The following FOXP1 variants were observed in gnomAD, a reference collection of about 807,000 sequenced individuals.
FOXP1 encodes the protein forkhead box protein P1.
Under a neutral mutation model 98.2 loss-of-function variants are expected in FOXP1, and 15 were observed. That is an observed-to-expected ratio of 0.15 (90% CI 0.10 to 0.24). FOXP1 has a LOEUF of 0.24. Ranked by LOEUF, FOXP1 falls within the 10% of genes least tolerant of loss-of-function variation. The pLI, the probability that FOXP1 is intolerant of heterozygous loss-of-function variation, is 1.00. For synonymous variants in FOXP1, 371 were observed against 314.5 expected (o/e 1.18, Z -1.90); for missense variants, 633 against 848.5 (o/e 0.75, Z 3.15).
At chr3:70,969,618 A>C (rs984040361) in intron 19 of FOXP1, 3 of 152,172 alleles carry the variant, frequency 2.0e-5, no homozygotes, top group Non-Finnish European at 4.4e-5. Context: ...ATCATACTAA[A>C]GGTCTCAACT....
chr3:70,997,595 A>T (rs1028724608), intron 13 of FOXP1, among the ~76,000 whole-genome samples: 13 of 152,326 alleles, frequency 8.5e-5, no homozygotes, highest in African/African-American at 2.9e-4. Flanking sequence ...AATGGATATA[A>T]CCTGCTTTGG....
intron 13 of FOXP1, among the ~76,000 whole-genome samples, chr3:70,993,508 T>C (rs2040923349): frequency 6.6e-6 from 1 of 152,210 alleles, no homozygotes; most frequent in South Asian, 2.1e-4. Flanking sequence ...AACAAGTTAA[T>C]CAGACCTCCT....
intron 5 of FOXP1, among the ~76,000 whole-genome samples, chr3:71,280,141 AAAAAAAAAT>A (rs2071377962): frequency 7.5e-6 from 1 of 132,992 alleles, no homozygotes; most frequent in Non-Finnish European, 1.7e-5. Flanking sequence ...AAAAAAAAAA[AAAAAAAAAT>A]AGAATGCAAG....
intron 20 of FOXP1, 136 bp from the exon 21 acceptor site, chr3:70,959,527 A>G: frequency 1.3e-5 from 12 of 889,918 alleles, no homozygotes; most frequent in Non-Finnish European, 2.0e-5. Context: ...CATTAGCCAC[A>G]CGTGGCTCTT....
chr3:71,256,965 C>G (rs1057479591), intron 5 of FOXP1, among the ~76,000 whole-genome samples: 2 of 152,150 alleles, frequency 1.3e-5, no homozygotes, highest in African/African-American at 4.8e-5. Flanking sequence ...TCTGAGCTAC[C>G]AGCTATTCAT....
intron 3 of FOXP1, among the ~76,000 whole-genome samples, chr3:71,424,579 C>T (rs1363002302): frequency 1.3e-5 from 2 of 152,168 alleles, no homozygotes; most frequent in Admixed American, 6.5e-5. Flanking sequence ...TCATAAAATG[C>T]AGCTAACTTC....
At chr3:70,995,818 C>T (rs2041277954) in intron 13 of FOXP1, among the ~76,000 whole-genome samples, 1 of 152,160 alleles carries the variant, frequency 6.6e-6, no homozygotes, top group African/African-American at 2.4e-5. Context: ...ACCAACCCTT[C>T]CCTGTTAACA....
chr3:71,348,534 T>C (rs1201981193), intron 4 of FOXP1, among the ~76,000 whole-genome samples: 8 of 128,230 alleles, frequency 6.2e-5, no homozygotes, highest in East Asian at 2.3e-4. Context: ...TGTGTGTGTG[T>C]GTGTGTGTGT....
rs774790293 is a variant in FOXP1 at position 70,970,694 on chromosome 3, C to T, written c.1722+42G>A. 35 of 1,426,452 alleles carry T rather than the reference C, an allele frequency of 2.5e-5. No individual in the cohort carries two copies. The East Asian group carries it at 8.0e-4, about 32-fold the overall frequency. The allele number at this position is 1,426,452 out of a possible 1,614,324, so 88.4% of individuals were successfully genotyped here. ...TATATTTTGAAATGAGTAGGGGAGA[C>T]CTGTGCCTCTGCTGCATATTCGGGA... On this transcript the variant is annotated intron_variant, in intron 19 of 20. Transcript: ENST00000649528.
chr3:71,140,366 G>A (rs919832607), intron 6 of FOXP1, among the ~76,000 whole-genome samples: 5 of 152,124 alleles, frequency 3.3e-5, no homozygotes, highest in Admixed American at 1.3e-4. Flanking sequence ...GTCAGGTGTG[G>A]AATTTTTCGC....
intron 4 of FOXP1, among the ~76,000 whole-genome samples, chr3:71,342,667 T>C (rs1176446750): frequency 6.9e-6 from 1 of 145,766 alleles, no homozygotes; most frequent in East Asian, 2.1e-4. Flanking sequence ...CACTCCAGCC[T>C]GGGTGACAGA....
At chr3:71,007,800 T>G (rs1316803871) in intron 12 of FOXP1, among the ~76,000 whole-genome samples, 1 of 152,176 alleles carries the variant, frequency 6.6e-6, no homozygotes, top group Non-Finnish European at 1.5e-5. Context: ...GAAAAAAATT[T>G]TAAAAAGCAA....
chr3:71,421,177 C>A (rs776524652), intron 3 of FOXP1, among the ~76,000 whole-genome samples: 2 of 152,108 alleles, frequency 1.3e-5, no homozygotes, highest in African/African-American at 4.8e-5. Flanking sequence ...GAAGCAGAGA[C>A]CTGAGCGACA....
At chr3:71,181,856 C>T (rs1434563264) in intron 6 of FOXP1, among the ~76,000 whole-genome samples, 2 of 151,648 alleles carry the variant, frequency 1.3e-5, no homozygotes, top group Non-Finnish European at 2.9e-5. Context: ...CATGGTGAAA[C>T]CCTATCTCTA....
intron 7 of FOXP1, among the ~76,000 whole-genome samples, chr3:71,072,743 C>A (rs1450172684): frequency 6.6e-6 from 1 of 152,288 alleles, no homozygotes; most frequent in East Asian, 1.9e-4. Flanking sequence ...TCCAACCCAG[C>A]CTCCCAAACC....
intron 4 of FOXP1, among the ~76,000 whole-genome samples, chr3:71,324,510 G>A (rs1020544235): frequency 1.3e-5 from 2 of 152,120 alleles, no homozygotes; most frequent in African/African-American, 2.4e-5. Context: ...ACAAATTATC[G>A]CAAGGACAGA....
chr3:71,132,892 T>C (rs896884356), intron 6 of FOXP1, among the ~76,000 whole-genome samples: 10 of 152,096 alleles, frequency 6.6e-5, no homozygotes, highest in Admixed American at 1.3e-4. Context: ...GCCATGCCTA[T>C]ATAGCTATCA....
chr3:71,115,053 T>C (rs924668357), intron 6 of FOXP1, among the ~76,000 whole-genome samples: 4 of 152,168 alleles, frequency 2.6e-5, no homozygotes, highest in African/African-American at 4.8e-5. Context: ...GGAACTGTTA[T>C]ATATTTTAAG....
At chr3:71,415,448 T>C (rs1416991410) in intron 3 of FOXP1, among the ~76,000 whole-genome samples, 1 of 152,244 alleles carries the variant, frequency 6.6e-6, no homozygotes, top group African/African-American at 2.4e-5. Flanking sequence ...ACCTGGGTCT[T>C]TGATGTGAGA....
Sources: allele counts gnomAD v4.1 joint callset (sites outside exome capture counted in the v4.1 genomes callset), GRCh38; gene constraint gnomAD v4.1.1; transcripts MANE v1.5; gene names NCBI Gene and HGNC (gene_info 2026-07-23, HGNC 2026-07-21).